KLC1: variants seen among roughly 807,000 people sequenced by gnomAD.
KLC1 encodes the protein kinesin 2 60/70kDa.
Under a neutral mutation model 84.2 loss-of-function variants are expected in KLC1, and 30 were observed. The ratio of observed to expected loss-of-function variants is 0.36; its 90% CI spans 0.27 to 0.48. The LOEUF (loss-of-function observed/expected upper bound fraction) is 0.48. Ranked by LOEUF, KLC1 falls within the 20% of genes least tolerant of loss-of-function variation. The probability of loss-of-function intolerance (pLI) is 0.99; values close to 1 mark genes in which losing one functional copy is unlikely to be tolerated. For synonymous variants in KLC1, 289 were observed against 293.3 expected, an observed-to-expected ratio of 0.99 and a Z score of 0.15; for missense variants, 499 against 805.4, an observed-to-expected ratio of 0.62 and a Z score of 4.60.
chr14:103,654,958 G>A (rs1372251375), intron 2 of KLC1, 133 bp downstream of exon 2: 1 of 1,022,380 alleles, frequency 9.8e-7, no homozygotes, highest in African/African-American at 1.6e-5. Flanking sequence ...AGTGCGGTGT[G>A]GCTCAGGCCT....
chr14:103,635,704 G>T (rs764889047), intron 1 of KLC1, among the ~76,000 whole-genome samples: 4 of 151,834 alleles, frequency 2.6e-5, no homozygotes, highest in Non-Finnish European at 4.4e-5. Flanking sequence ...CAGTGAGCCA[G>T]ATCGAGCCAC....
At chr14:103,697,038 G>A (rs1419545006) in intron 15 of KLC1, 1 of 985,476 alleles carries the variant, frequency 1.0e-6, no homozygotes, top group Non-Finnish European at 1.2e-6. Flanking sequence ...TCTGTTAAAT[G>A]TACCTCTGTC....
At chr14:103,679,361 A>T in intron 12 of KLC1, 23 bp from the exon 13 acceptor site, 1 of 1,610,638 alleles carries the variant, frequency 6.2e-7, no homozygotes, top group Non-Finnish European at 8.5e-7. Flanking sequence ...GGGTCAAACC[A>T]TTTTCCCCTG....
At chr14:103,649,706 T>A (rs1049101216) in intron 1 of KLC1, among the ~76,000 whole-genome samples, 3 of 151,658 alleles carry the variant, frequency 2.0e-5, no homozygotes, top group African/African-American at 7.3e-5. Context: ...GTGTTTTTTT[T>A]TTTTTTCGAG....
At position 103,677,506 on chromosome 14, in the gene KLC1, A is replaced by G. The variant is rs568689263; in HGVS notation, c.1471A>G (p.Met491Val). The change falls in exon 12 of 17, where the codon ATG becomes GTG. Residue 491 changes from methionine (M) to valine (V), a missense_variant. By Grantham distance (21) the Met-to-Val change is conservative. Coordinates refer to ENST00000334553, the MANE Select transcript of KLC1 (RefSeq NM_001394837.1). ...EAAETLEEAA[M>V]RSRKQGLDNV... The stretch of plus-strand genomic sequence containing the variant: ...TGCAGAAACGTTAGAAGAAGCTGCT[A>G]TGAGGTCTCGTAAACAGGTTAGTCA... 3.7e-6 allele frequency: 6 copies of G among 1,613,226 alleles called. No individual in the cohort carries two copies. Among genetic ancestry groups the G allele is most frequent in the African/African-American group, 1.3e-5 (1 of 74,934 alleles).
At chr14:103,684,703 T>G in intron 13 of KLC1, 3 of 326,730 alleles carry the variant, frequency 9.2e-6, no homozygotes, top group Non-Finnish European at 1.2e-5. Context: ...AGAGAGAGCA[T>G]GAGTGAGCGT....
chr14:103,688,129 C>T (rs1358595142), intron 14 of KLC1: 1 of 152,198 alleles, frequency 6.6e-6, no homozygotes, highest in East Asian at 1.9e-4. Context: ...TGTGCCTGAT[C>T]AGTTGTTTCG....
At chr14:103,692,862 G>A (rs959745663) in intron 15 of KLC1, among the ~76,000 whole-genome samples, 4 of 152,220 alleles carry the variant, frequency 2.6e-5, no homozygotes, top group South Asian at 4.1e-4. Context: ...GATGACTAGC[G>A]TGCTGTCAGT....
intron 15 of KLC1, chr14:103,699,576 C>A (rs2151910588): frequency 6.2e-7 from 1 of 1,613,172 alleles, no homozygotes; most frequent in South Asian, 1.1e-5. Context: ...AACAAGGTGT[C>A]CTGTGGGGAC....
chr14:103,680,204 T>C, intron 13 of KLC1, among the ~76,000 whole-genome samples: 1 of 152,200 alleles, frequency 6.6e-6, no homozygotes, highest in Non-Finnish European at 1.5e-5. Flanking sequence ...CACTGCTGTT[T>C]ATCCAGTGGT....
At position 103,638,656 on chromosome 14, in the gene KLC1, A is replaced by ATTT. The variant is rs57470429; in HGVS notation, c.-2+9183_-2+9185dup. Reference sequence around the variant, plus strand: ...TCTGGCCTTTGCTTTCATTTCATTAATTTTTTTTTTTTTTTTTTTTTTTGA... The same window carrying ATTT: ...TCTGGCCTTTGCTTTCATTTCATTAATTTTTTTTTTTTTTTTTTTTTTTTTTGA... On this transcript the variant is annotated intron_variant, in intron 1 of 16. Transcript: ENST00000334553. Among the ~76,000 whole-genome samples, 48 of 100,112 alleles carry ATTT rather than the reference A, an allele frequency of 4.8e-4. 1 individual carries two copies. Among genetic ancestry groups the ATTT allele is most frequent in the African/African-American group, 1.6e-3 (44 of 26,826 alleles). The allele number at this position is 100,112 out of a possible 152,430, so 65.7% of individuals were successfully genotyped here.
chr14:103,649,705 T>C (rs1309486511), intron 1 of KLC1, among the ~76,000 whole-genome samples: 2 of 151,638 alleles, frequency 1.3e-5, no homozygotes. Context: ...TGTGTTTTTT[T>C]TTTTTTTCGA....
intron 2 of KLC1, 119 bp downstream of exon 2, chr14:103,654,944 G>T: frequency 8.5e-7 from 1 of 1,171,696 alleles, no homozygotes; most frequent in East Asian, 2.5e-5. Context: ...ACAGATCCAG[G>T]CCGAGTGCGG....
chr14:103,677,461 C>G lies in KLC1; in HGVS notation c.1426C>G (p.Arg476Gly), dbSNP rs1224963542. The stretch of plus-strand genomic sequence containing the variant: ...AAAAAACCTTGGGGCACTTTACAGA[C>G]GTCAAGGCAAATTTGAAGCTGCAGA... Reference protein sequence around the residue: ...TLKNLGALYRRQGKFEAAETL... With the variant: ...TLKNLGALYRGQGKFEAAETL... Residue 476 changes from arginine to glycine, a missense_variant, in exon 12 of 17, where the codon CGT becomes GGT. Physicochemically the swap from Arg to Gly is moderately radical, Grantham distance 125. Around this residue, in one of 3 missense-constraint regions of KLC1, gnomAD observed 153 missense variants for 332.4 expected, o/e 0.46. Coordinates refer to ENST00000334553, the MANE Select transcript of KLC1 (RefSeq NM_001394837.1). The G allele has an allele frequency of 6.2e-7, 1 of 1,613,866 alleles. No homozygotes were observed. Among genetic ancestry groups the G allele is most frequent in the African/African-American group, 1.3e-5 (1 of 74,908 alleles).
intron 9 of KLC1, among the ~76,000 whole-genome samples, chr14:103,674,703 C>A (rs1369244087): frequency 6.6e-6 from 1 of 152,236 alleles, no homozygotes; most frequent in Non-Finnish European, 1.5e-5. Context: ...GTGTGAGCCA[C>A]TGCACCCGGC....
At chr14:103,633,973 A>G (rs1253437629) in intron 1 of KLC1, among the ~76,000 whole-genome samples, 1 of 152,124 alleles carries the variant, frequency 6.6e-6, no homozygotes, top group Non-Finnish European at 1.5e-5. Context: ...GGTTCAAGCC[A>G]TTCTCCTGCC....
intron 1 of KLC1, among the ~76,000 whole-genome samples, chr14:103,647,944 A>G (rs1366319521): frequency 2.1e-4 from 31 of 149,664 alleles, no homozygotes; most frequent in Admixed American, 2.1e-3. Context: ...GACCAGGTCT[A>G]TTTGTATTGG....
chr14:103,637,123 T>C (rs1317615563), intron 1 of KLC1, among the ~76,000 whole-genome samples: 2 of 152,036 alleles, frequency 1.3e-5, no homozygotes, highest in Non-Finnish European at 2.9e-5. Context: ...TTGCCAGATA[T>C]ATATGTGTCG....
At chr14:103,695,976 G>C in intron 15 of KLC1, 1 of 985,294 alleles carries the variant, frequency 1.0e-6, no homozygotes, top group East Asian at 1.1e-4. Flanking sequence ...CCCTTCAGAG[G>C]AGAGAAGTGG....
Sources: allele counts gnomAD v4.1 joint callset (sites outside exome capture counted in the v4.1 genomes callset), GRCh38; gene constraint gnomAD v4.1.1; regional missense constraint gnomAD v4.1.1; transcripts MANE v1.5; gene names NCBI Gene and HGNC (gene_info 2026-07-23, HGNC 2026-07-21).